The following HTR3A variants were observed in gnomAD, a reference collection of about 807,000 sequenced individuals.
The protein encoded by HTR3A is 5-hydroxytryptamine receptor 3A.
In HTR3A, 45 loss-of-function variants were observed where a neutral mutation model predicts 54.8. The observed-to-expected ratio is 0.82, with a 90% CI of 0.65 to 1.05. HTR3A has a LOEUF of 1.05. Ranked by LOEUF, HTR3A falls within the 50% of genes least tolerant of loss-of-function variation. The probability of loss-of-function intolerance (pLI) is 0.00; values close to 1 mark genes in which losing one functional copy is unlikely to be tolerated. For synonymous variants in HTR3A, 297 were observed against 256.0 expected, an observed-to-expected ratio of 1.16 and a Z score of -1.53; for missense variants, 657 against 614.0, an observed-to-expected ratio of 1.07 and a Z score of -0.74.
Position 113,983,302 on chromosome 11 carries a change from G to A in HTR3A, c.544+13G>A. The A allele has an allele frequency of 6.2e-7, 1 of 1,613,484 alleles. No homozygotes were observed. Among genetic ancestry groups the A allele is most frequent in the South Asian group, 1.1e-5 (1 of 91,054 alleles). On this transcript the variant is annotated intron_variant, in intron 5 of 8. Transcript: ENST00000504030. ...TGGCTGCACACCAGTGAGTATGTGG[G>A]CTTCGCCGGGACAGGGGTGGAGGTT...
At chr11:113,978,135 C>T (rs1438332756) in intron 2 of HTR3A, among the ~76,000 whole-genome samples, 2 of 152,192 alleles carry the variant, frequency 1.3e-5, no homozygotes, top group Non-Finnish European at 2.9e-5. Flanking sequence ...CTCCCACACC[C>T]ATACAGTGAG....
At position 113,989,519 on chromosome 11, in the gene HTR3A, C is replaced by T. The variant is rs1165803594; in HGVS notation, c.1193C>T (p.Pro398Leu). ...MGGPQDFEKS[P>L]RDRCSPPPPP... ...GGACCCCAGGACTTCGAGAAGAGCC[C>T]GAGGGACAGATGTAGCCCTCCCCCA... is the stretch of plus-strand genomic sequence containing the variant. The change falls in exon 9 of 9, where the codon CCG (proline) becomes CTG (leucine). Residue 398 changes from proline to leucine, a missense_variant. By Grantham distance (98) the Pro-to-Leu change is moderately conservative (BLOSUM62 -3). Transcript: ENST00000504030. The surrounding 1 kb of genome is among the most constrained non-coding windows in gnomAD (Gnocchi z 4.4). 8.1e-6 allele frequency: 13 copies of T among 1,614,172 alleles called. No individual in the cohort carries two copies. The highest frequency in any genetic ancestry group is 4.4e-5 in the South Asian group (4 of 91,080).
Position 113,986,531 on chromosome 11 carries a change from G to T in HTR3A, c.719G>T (p.Arg240Leu). Residue 240 changes from arginine (R) to leucine (L), a missense_variant, in exon 7 of 9, where the codon CGG (arginine) becomes CTG (leucine). Physicochemically the swap from Arg to Leu is moderately radical, Grantham distance 102. Transcript: ENST00000504030. ...AEMKFYVVIR[R>L]RPLFYVVSLL... ...CTCCGGTCCCAGGTGGTCATCCGCC[G>T]GCGGCCCCTCTTCTATGTGGTCAGC... 1 of 1,612,600 alleles carries T rather than the reference G, an allele frequency of 6.2e-7. No homozygotes were observed. Among genetic ancestry groups the T allele is most frequent in the Non-Finnish European group, 8.5e-7 (1 of 1,180,012 alleles).
chr11:113,986,870 C>T lies in HTR3A; in HGVS notation c.962C>T (p.Ala321Val). Residue 321 changes from alanine to valine, a missense_variant, in exon 8 of 9, where the codon GCC (alanine) becomes GTC (valine). Transcript: ENST00000504030. ...ATGGCTCTGCTGGTGATAAGTTTGG[C>T]CGAGACCATCTTCATTGTGCGGCTG... ...VCMALLVISL[A>V]ETIFIVRLVH... The T allele has an allele frequency of 6.2e-6, 10 of 1,614,072 alleles. No individual in the cohort carries two copies. Among genetic ancestry groups the T allele is most frequent in the Non-Finnish European group, 8.5e-6 (10 of 1,180,020 alleles).
intron 5 of HTR3A, among the ~76,000 whole-genome samples, chr11:113,984,859 A>G (rs1950470486): frequency 6.6e-6 from 1 of 151,460 alleles, no homozygotes; most frequent in Non-Finnish European, 1.5e-5. Flanking sequence ...TGGAGGTTGC[A>G]GTGAGCCGAG....
rs373574783 is a variant in HTR3A, at chr11:113,989,673, G to A, written c.1347G>A (p.Leu449=). ...ACTGGCTGCGCGTGGGCTCCGTGCT[G>A]GACAAGCTGCTATTCCACATTTACC... ...ARDWLRVGSV[L]DKLLFHIYLL... The change falls in exon 9 of 9, where the codon CTG becomes CTA. Residue 449 remains leucine (L), a synonymous_variant. Transcript: ENST00000504030. The surrounding 1 kb of genome is among the most constrained non-coding windows in gnomAD (Gnocchi z 4.4). The A allele has an allele frequency of 4.2e-5, 67 of 1,613,994 alleles. 2 individuals carry two copies. Among genetic ancestry groups the A allele is most frequent in the South Asian group, 3.3e-4 (30 of 91,090 alleles).
intron 3 of HTR3A, among the ~76,000 whole-genome samples, chr11:113,979,740 C>A (rs939998542): frequency 6.6e-6 from 1 of 152,162 alleles, no homozygotes; most frequent in Non-Finnish European, 1.5e-5. Flanking sequence ...GGGTCAGCCC[C>A]TGGTGTGTGG....
At chr11:113,983,364 C>T (rs1220149287) in intron 5 of HTR3A, 75 bp downstream of exon 5, 1 of 1,530,016 alleles carries the variant, frequency 6.5e-7, no homozygotes, top group East Asian at 2.2e-5. Flanking sequence ...GGAGTGCTCC[C>T]CAGGGCGCCT....
chr11:113,989,794 A>C lies in HTR3A; in HGVS notation c.*31A>C, dbSNP rs745872810. On this transcript the variant is annotated 3_prime_UTR_variant, in exon 9 of 9. Coordinates refer to ENST00000504030, the MANE Select transcript of HTR3A (RefSeq NM_000869.6). The surrounding 1 kb of genome is among the most constrained non-coding windows in gnomAD (Gnocchi z 4.4). ...TACAGCCCAGTGGAGGAGGGGGTAC[A>C]GTCCTGGTTAGGTGGGGACAGAGGA... The C allele has an allele frequency of 3.7e-6, 6 of 1,600,604 alleles. No individual in the cohort carries two copies. In the South Asian group the frequency reaches 6.6e-5, roughly 18 times the overall value.
intron 4 of HTR3A, among the ~76,000 whole-genome samples, chr11:113,982,276 G>A (rs1445544620): frequency 1.3e-5 from 2 of 152,170 alleles, no homozygotes; most frequent in African/African-American, 4.8e-5. Flanking sequence ...GTGACAGGTG[G>A]GATCAGCCAT....
chr11:113,982,827 A>G (rs1452510868), intron 4 of HTR3A, among the ~76,000 whole-genome samples: 2 of 152,074 alleles, frequency 1.3e-5, no homozygotes, highest in African/African-American at 2.4e-5. Flanking sequence ...CACGCTTCCT[A>G]CTGTCCATGG....
At position 113,977,795 on chromosome 11, in the gene HTR3A, G is replaced by A. The variant is rs772670874; in HGVS notation, c.92G>A (p.Arg31Lys). The change falls in exon 2 of 9, where the codon AGG becomes AAG. Residue 31 changes from arginine (R) to lysine (K), a missense_variant. Physicochemically the swap from Arg to Lys is conservative, Grantham distance 26. Coordinates refer to ENST00000504030, the MANE Select transcript of HTR3A (RefSeq NM_000869.6). Reference sequence around the variant, plus strand: ...GCCAGGAGGAGCCGAAACACCACCAGGCCCGCTCTGCTGAGGCTGTCGGAT... The same window carrying A: ...GCCAGGAGGAGCCGAAACACCACCAAGCCCGCTCTGCTGAGGCTGTCGGAT... Reference protein sequence around the residue: ...GEARRSRNTTRPALLRLSDYL... With the variant: ...GEARRSRNTTKPALLRLSDYL... The A allele has an allele frequency of 1.9e-6, 3 of 1,614,146 alleles. No homozygotes were observed. The highest frequency in any genetic ancestry group is 1.3e-5 in the African/African-American group (1 of 75,036).
At chr11:113,979,195 C>T in intron 2 of HTR3A, 38 bp from the exon 3 acceptor site, 7 of 1,574,754 alleles carry the variant, frequency 4.4e-6, no homozygotes, top group East Asian at 2.2e-5. Flanking sequence ...CCCTCCAGTC[C>T]ACAGGGTTAC....
chr11:113,975,331 G>C lies in HTR3A; in HGVS notation c.6G>C (p.Leu2=). 1 of 1,613,566 alleles carries C rather than the reference G, an allele frequency of 6.2e-7. No homozygotes were observed. The highest frequency in any genetic ancestry group is 8.5e-7 in the Non-Finnish European group (1 of 1,180,018). The change falls in exon 1 of 9, where the codon CTG becomes CTC. Residue 2 remains leucine, a synonymous_variant. Transcript: ENST00000504030. ...CTATGCTTGGAAAGCTCGCTATGCTGCTGTGGGTCCAGCAGGCGCTGCTCG... is the reference window on the plus strand; with the variant it reads ...CTATGCTTGGAAAGCTCGCTATGCTCCTGTGGGTCCAGCAGGCGCTGCTCG... The part of the protein sequence containing the change: M[L]LWVQQALLAL...
At chr11:113,986,779 T>G (rs1400165990) in intron 7 of HTR3A, 46 bp from the exon 8 acceptor site, 2 of 1,083,086 alleles carry the variant, frequency 1.8e-6, no homozygotes, top group East Asian at 6.9e-5. Flanking sequence ...ACCCGCCCCC[T>G]CCCACCTCCT....
At chr11:113,981,159 G>T (rs1341079516) in intron 3 of HTR3A, 44 bp from the exon 4 acceptor site, 1 of 1,229,400 alleles carries the variant, frequency 8.1e-7, no homozygotes, top group Non-Finnish European at 1.2e-6. Flanking sequence ...ACCCTCACTG[G>T]AGATGGAGGG....
intron 1 of HTR3A, among the ~76,000 whole-genome samples, chr11:113,976,579 G>GTA (rs1950353726): frequency 2.9e-5 from 1 of 34,570 alleles, no homozygotes; most frequent in Admixed American, 2.9e-4. Flanking sequence ...GTTTGTGTGT[G>GTA]TGTGTGTGTG....
rs1337687627 is a variant in HTR3A, at chr11:113,989,414, G to A, written c.1139-51G>A. On this transcript the variant is annotated intron_variant, in intron 8 of 8. Coordinates refer to ENST00000504030, the MANE Select transcript of HTR3A (RefSeq NM_000869.6). The surrounding 1 kb of genome is among the most constrained non-coding windows in gnomAD (Gnocchi z 4.4). ...ATAGAAGCATAAGGAACCATGTTCAGGTCACCACCCGGGGTCTCCCTCTCT... is the reference window on the plus strand; with the variant it reads ...ATAGAAGCATAAGGAACCATGTTCAAGTCACCACCCGGGGTCTCCCTCTCT... 2 of 1,604,678 alleles carry A rather than the reference G, an allele frequency of 1.2e-6. No homozygotes were observed. Among genetic ancestry groups the A allele is most frequent in the Non-Finnish European group, 1.7e-6 (2 of 1,172,890 alleles).
At chr11:113,985,958 G>T in intron 5 of HTR3A, 57 bp from the exon 6 acceptor site, 1 of 1,596,698 alleles carries the variant, frequency 6.3e-7, no homozygotes, top group East Asian at 2.2e-5. Context: ...ATCATCACAG[G>T]GTCCAGCAGG....
Sources: gnomAD v4.1 joint callset for allele counts (sites outside exome capture counted in the v4.1 genomes callset) on GRCh38, gnomAD v4.1.1 for gene constraint, Gnocchi (gnomAD v3.1) non-coding constraint, MANE v1.5 for transcripts, NCBI Gene and HGNC (gene_info 2026-07-23, HGNC 2026-07-21) for gene names.